Variants in RGS7 observed in about 807,000 individuals in gnomAD.
RGS7 encodes the protein regulator of G-protein signaling 7.
RGS7 carries 27 observed loss-of-function variants against 81.1 expected under a neutral mutation model. That is an observed-to-expected ratio of 0.33 (90% CI 0.25 to 0.46). The LOEUF (loss-of-function observed/expected upper bound fraction) is 0.46. Among genes scored for constraint, RGS7 ranks in the 20% least tolerant of loss-of-function variants. The pLI is 1.00. For missense variants in RGS7, 396 were observed against 607.4 expected (o/e 0.65, Z 3.66); for synonymous variants, 208 against 207.7 (o/e 1.00, Z -0.01).
intron 2 of RGS7, among the ~76,000 whole-genome samples, chr1:241,338,666 T>G (rs1393342875): frequency 1.3e-5 from 2 of 150,948 alleles, no homozygotes; most frequent in Non-Finnish European, 2.9e-5. Flanking sequence ...CTTGAATAAC[T>G]ATCCTATTAA....
At chr1:240,953,669 A>G (rs1679909126) in intron 4 of RGS7, among the ~76,000 whole-genome samples, 1 of 151,986 alleles carries the variant, frequency 6.6e-6, no homozygotes, top group African/African-American at 2.4e-5. Flanking sequence ...ATAACCTAAG[A>G]TTATACGCTA....
chr1:240,902,683 G>GA (rs1395150328), intron 6 of RGS7, among the ~76,000 whole-genome samples: 2 of 152,170 alleles, frequency 1.3e-5, no homozygotes, highest in Non-Finnish European at 2.9e-5. Flanking sequence ...CAAGATGGTA[G>GA]ATTACTGGTT....
At chr1:240,950,409 C>A (rs1393013509) in intron 4 of RGS7, among the ~76,000 whole-genome samples, 1 of 152,200 alleles carries the variant, frequency 6.6e-6, no homozygotes, top group Non-Finnish European at 1.5e-5. Flanking sequence ...GGGCATTTCT[C>A]CAACTACAGT....
intron 2 of RGS7, among the ~76,000 whole-genome samples, chr1:241,220,970 GA>G (rs2074880601): frequency 1.1e-5 from 1 of 93,048 alleles, no homozygotes; most frequent in East Asian, 2.6e-4. Flanking sequence ...AGGAAGGAAG[GA>G]AGGAAGGAAG....
At chr1:241,225,141 C>T (rs2075246516) in intron 2 of RGS7, among the ~76,000 whole-genome samples, 1 of 152,154 alleles carries the variant, frequency 6.6e-6, no homozygotes, top group South Asian at 2.1e-4. Context: ...TCTCATTCCT[C>T]ATCCCCCTTG....
At position 240,955,538 on chromosome 1, in the gene RGS7, C is replaced by A; in HGVS notation, c.227-18832G>T. ...CTGCACTCCAGCCTGGGCGGCAGAGCAAGACTCTGTCTCAAAAAAAAAAAA... is the reference window on the plus strand; with the variant it reads ...CTGCACTCCAGCCTGGGCGGCAGAGAAAGACTCTGTCTCAAAAAAAAAAAA... On this transcript the variant is annotated intron_variant, in intron 4 of 18. Transcript: ENST00000440928. 1.5e-5 allele frequency among the ~76,000 whole-genome samples: 2 copies of A among 130,188 alleles called. 1 individual carries two copies. 85.4% of individuals were successfully genotyped at this position (130,188 alleles called of 152,430 possible).
intron 2 of RGS7, among the ~76,000 whole-genome samples, chr1:241,244,486 G>A: frequency 6.6e-6 from 1 of 152,136 alleles, no homozygotes; most frequent in Non-Finnish European, 1.5e-5. Context: ...GGAGAAATAG[G>A]AACACTTTTA....
intron 18 of RGS7, 132 bp downstream of exon 18, chr1:240,800,509 A>G: frequency 2.3e-6 from 1 of 435,206 alleles, no homozygotes; most frequent in Non-Finnish European, 4.2e-6. Context: ...TCACATTTCA[A>G]CACACATAAC....
chr1:241,173,850 T>G (rs1342308968), intron 2 of RGS7, among the ~76,000 whole-genome samples: 72 of 152,148 alleles, frequency 4.7e-4, no homozygotes, highest in Admixed American at 4.7e-3. Context: ...TACCCTCCCA[T>G]AGTCAAGCTG....
intron 4 of RGS7, among the ~76,000 whole-genome samples, chr1:240,937,244 C>T (rs984737848): frequency 7.2e-5 from 11 of 152,168 alleles, no homozygotes; most frequent in South Asian, 6.2e-4. Flanking sequence ...CTCCTTTGTT[C>T]GGTGTGCTCT....
chr1:241,099,753 T>A (rs369298248), intron 2 of RGS7, among the ~76,000 whole-genome samples: 70 of 152,266 alleles, frequency 4.6e-4, no homozygotes, highest in African/African-American at 1.6e-3. Context: ...CCACAACCAC[T>A]TATCACTAAC....
At chr1:240,815,608 T>A (rs936507572) in intron 11 of RGS7, among the ~76,000 whole-genome samples, 1 of 152,154 alleles carries the variant, frequency 6.6e-6, no homozygotes, top group Middle Eastern at 3.2e-3. Flanking sequence ...TTTTCCTTCC[T>A]GATTATTGTA....
chr1:240,962,678 G>C (rs80160545), intron 4 of RGS7, among the ~76,000 whole-genome samples: 140 of 152,284 alleles, frequency 9.2e-4, no homozygotes, highest in African/African-American at 3.2e-3. Flanking sequence ...CTAATCTTGG[G>C]AGCTCAGGGA....
chr1:240,844,673 C>A (rs1658734326), intron 9 of RGS7, among the ~76,000 whole-genome samples: 1 of 152,200 alleles, frequency 6.6e-6, no homozygotes, highest in Non-Finnish European at 1.5e-5. Context: ...CAAAAAAGAA[C>A]AGTTTCACTC....
At chr1:241,258,215 C>T (rs917910469) in intron 2 of RGS7, among the ~76,000 whole-genome samples, 6 of 152,018 alleles carry the variant, frequency 3.9e-5, no homozygotes, top group Non-Finnish European at 5.9e-5. Context: ...TTAATTGCAG[C>T]ACTTCAATAA....
rs1164860882 is a variant in RGS7, at chr1:241,271,720, G to C, written c.78+83979C>G. Among the ~76,000 whole-genome samples, 1 of 152,184 alleles carries C rather than the reference G, an allele frequency of 6.6e-6. No individual in the cohort carries two copies. The highest frequency in any genetic ancestry group is 1.5e-5 in the Non-Finnish European group (1 of 68,030). ...GGATTCTCTCTCTGCTGGAGTGCTTGAGCTAGGACATTGGCCTTGGAGTGG... is the reference window on the plus strand; with the variant it reads ...GGATTCTCTCTCTGCTGGAGTGCTTCAGCTAGGACATTGGCCTTGGAGTGG... On this transcript the variant is annotated intron_variant, in intron 2 of 18. Transcript: ENST00000440928. This position sits in a 1 kb window ranked among gnomAD's most constrained non-coding sequence, Gnocchi z 4.6.
intron 6 of RGS7, among the ~76,000 whole-genome samples, chr1:240,883,334 A>G (rs1245484799): frequency 6.6e-6 from 1 of 152,074 alleles, no homozygotes; most frequent in Non-Finnish European, 1.5e-5. Flanking sequence ...GTATAATAAT[A>G]ATAAAAATTT....
chr1:240,929,431 G>C (rs191380588), intron 6 of RGS7, among the ~76,000 whole-genome samples: 17 of 152,102 alleles, frequency 1.1e-4, no homozygotes, highest in African/African-American at 4.1e-4. Context: ...CTACTGGAAA[G>C]AAATAATTTT....
intron 2 of RGS7, among the ~76,000 whole-genome samples, chr1:241,233,442 A>G (rs1177594807): frequency 6.6e-6 from 1 of 152,086 alleles, no homozygotes; most frequent in Non-Finnish European, 1.5e-5. Flanking sequence ...CATGAGATCC[A>G]CTCGCTAGCT....
Sources: gnomAD v4.1 joint callset for allele counts (sites outside exome capture counted in the v4.1 genomes callset) on GRCh38, gnomAD v4.1.1 for gene constraint, Gnocchi (gnomAD v3.1) non-coding constraint, MANE v1.5 for transcripts, NCBI Gene and HGNC (gene_info 2026-07-23, HGNC 2026-07-21) for gene names.